Variants in TCF12 observed in about 807,000 individuals in gnomAD.
TCF12 encodes the protein DNA-binding protein HTF4.
In TCF12, 45 loss-of-function variants were observed where a neutral mutation model predicts 86.0. The observed-to-expected ratio is 0.52, with a 90% CI of 0.41 to 0.67. The LOEUF (loss-of-function observed/expected upper bound fraction) is 0.67. TCF12 is among the 30% of genes least tolerant of loss of function. The pLI is 0.00. For missense variants in TCF12, 881 were observed against 859.9 expected (o/e 1.02, Z -0.31); for synonymous variants, 330 against 299.6 (o/e 1.10, Z -1.05).
intron 8 of TCF12, among the ~76,000 whole-genome samples, chr15:57,221,574 C>T (rs1301578706): frequency 1.3e-5 from 2 of 151,814 alleles, no homozygotes; most frequent in Non-Finnish European, 2.9e-5. Flanking sequence ...GTGGTATTTC[C>T]AGGCTTATGG....
rs36171297 is a variant in TCF12, at chr15:57,148,206, AAAAGAAAG to A, written c.326-18183_326-18176del. Among the ~76,000 whole-genome samples, 373 of 150,910 alleles carry A rather than the reference AAAAGAAAG, an allele frequency of 2.5e-3. 1 individual carries two copies. The highest frequency in any genetic ancestry group is 4.5e-3 in the Non-Finnish European group (306 of 67,848). The stretch of plus-strand genomic sequence containing the variant: ...GTCGATTTTTGTTAACAGTATAATA[AAAAGAAAG>A]AAAGAAAGAAAGGCTAGAGTGGGGT... On this transcript the variant is annotated intron_variant, in intron 5 of 20. Transcript: ENST00000333725.
chr15:56,973,175 C>T (rs184088573), intron 3 of TCF12, among the ~76,000 whole-genome samples: 2 of 152,222 alleles, frequency 1.3e-5, no homozygotes, highest in East Asian at 1.9e-4. Flanking sequence ...TCCCGCCTCC[C>T]TCCCTCCCAT....
intron 8 of TCF12, among the ~76,000 whole-genome samples, chr15:57,215,551 G>A (rs2615219): frequency 0.012 from 1,891 of 152,182 alleles, 42 homozygotes; most frequent in African/African-American, 0.043. Context: ...GAAACTTTTC[G>A]TGAGGAATAT....
At chr15:56,946,370 C>G (rs1460651698) in intron 3 of TCF12, among the ~76,000 whole-genome samples, 1 of 152,188 alleles carries the variant, frequency 6.6e-6, no homozygotes, top group Non-Finnish European at 1.5e-5. Context: ...AGTGTCTAAC[C>G]TGTTTATTCC....
intron 5 of TCF12, among the ~76,000 whole-genome samples, chr15:57,116,554 C>A (rs1028649312): frequency 1.9e-4 from 29 of 151,748 alleles, no homozygotes; most frequent in African/African-American, 7.0e-4. Context: ...GCAGTGTTGC[C>A]CAGGCTGGTC....
chr15:57,200,757 A>G (rs1313360795), intron 8 of TCF12, among the ~76,000 whole-genome samples: 1 of 152,220 alleles, frequency 6.6e-6, no homozygotes, highest in Non-Finnish European at 1.5e-5. Flanking sequence ...TTTAGGTATC[A>G]TAAGTGCATA....
chr15:57,210,826 A>G (rs996646384), intron 8 of TCF12, among the ~76,000 whole-genome samples: 2 of 152,146 alleles, frequency 1.3e-5, no homozygotes, highest in African/African-American at 4.8e-5. Flanking sequence ...TTTCCAACCT[A>G]CATACTCACT....
intron 5 of TCF12, among the ~76,000 whole-genome samples, chr15:57,120,087 G>T (rs1331994344): frequency 6.6e-6 from 1 of 151,712 alleles, no homozygotes; most frequent in African/African-American, 2.4e-5. Flanking sequence ...ACATTTTTTT[G>T]CCTAATTAAA....
intron 3 of TCF12, among the ~76,000 whole-genome samples, chr15:56,987,152 C>T (rs962078711): frequency 6.6e-6 from 1 of 151,908 alleles, no homozygotes; most frequent in Non-Finnish European, 1.5e-5. Flanking sequence ...CTCTTGTTGC[C>T]CAGGCCTGGA....
chr15:57,223,643 G>GTTTTTTGTTTTT (rs1456806093), intron 8 of TCF12, among the ~76,000 whole-genome samples: 19 of 69,666 alleles, frequency 2.7e-4, no homozygotes, highest in Non-Finnish European at 4.2e-4. Context: ...TACCAATGAG[G>GTTTTTTGTTTTT]TTTTTTTTTT....
chr15:57,233,042 A>G (rs1299483016), intron 11 of TCF12, among the ~76,000 whole-genome samples, 186 bp downstream of exon 11: 1 of 145,220 alleles, frequency 6.9e-6, no homozygotes, highest in Non-Finnish European at 1.5e-5. Flanking sequence ...TATATATGTT[A>G]TATATGTATA....
At chr15:57,048,957 C>T (rs2067424516) in intron 3 of TCF12, among the ~76,000 whole-genome samples, 1 of 152,164 alleles carries the variant, frequency 6.6e-6, no homozygotes, top group African/African-American at 2.4e-5. Context: ...TGAACACTTA[C>T]TTCTCCAGCT....
At position 57,123,968 on chromosome 15, in the gene TCF12, C is replaced by CAAA. The variant is rs71113066; in HGVS notation, c.325+32089_325+32091dup. ...TGGGCGACAGAGTGAGACTCCGTCTCAAAAAAAAAAAAAATTTTTTTTTTT... is the reference window on the plus strand; with the variant it reads ...TGGGCGACAGAGTGAGACTCCGTCTCAAAAAAAAAAAAAAAAATTTTTTTTTTT... On this transcript the variant is annotated intron_variant, in intron 5 of 20. Transcript: ENST00000333725. 1.5e-3 allele frequency among the ~76,000 whole-genome samples: 124 copies of CAAA among 81,094 alleles called. 5 individuals carry two copies. Among genetic ancestry groups the CAAA allele is most frequent in the Non-Finnish European group, 2.6e-3 (102 of 39,344 alleles). The allele number at this position is 81,094 out of a possible 152,430, so 53.2% of individuals were successfully genotyped here.
chr15:57,199,628 A>G (rs1164112021), intron 8 of TCF12, among the ~76,000 whole-genome samples: 3 of 152,292 alleles, frequency 2.0e-5, no homozygotes, highest in Non-Finnish European at 4.4e-5. Flanking sequence ...TCGTAATAAC[A>G]TTCATTACTT....
chr15:56,929,894 T>G (rs1386596917), intron 3 of TCF12, among the ~76,000 whole-genome samples: 1 of 152,166 alleles, frequency 6.6e-6, no homozygotes, highest in Non-Finnish European at 1.5e-5. Flanking sequence ...TCTCTAAATT[T>G]GTGGTAATCT....
At chr15:56,959,766 ATTTG>A (rs1567166947) in intron 3 of TCF12, among the ~76,000 whole-genome samples, 2 of 152,186 alleles carry the variant, frequency 1.3e-5, no homozygotes, top group Non-Finnish European at 2.9e-5. Flanking sequence ...AAATGGTTCT[ATTTG>A]TTATTTACAA....
rs2061263936 is a variant in TCF12, at chr15:56,951,303, T to A, written c.148+30205T>A. Among the ~76,000 whole-genome samples, 3 of 152,224 alleles carry A rather than the reference T, an allele frequency of 2.0e-5. No individual in the cohort carries two copies. The South Asian group carries it at 6.2e-4, about 32-fold the overall frequency. ...TTTGTGTTTTTCTAATTACTAATGATGTTGAGTATCTTTTCATATACTTAC... is the reference window on the plus strand; with the variant it reads ...TTTGTGTTTTTCTAATTACTAATGAAGTTGAGTATCTTTTCATATACTTAC... On this transcript the variant is annotated intron_variant, in intron 3 of 20. Transcript: ENST00000333725.
intron 3 of TCF12, among the ~76,000 whole-genome samples, chr15:56,972,415 A>G (rs954811823): frequency 3.9e-5 from 6 of 152,228 alleles, no homozygotes; most frequent in Admixed American, 1.3e-4. Flanking sequence ...TATATAAACT[A>G]TGGTATAGCC....
At chr15:56,959,670 T>C (rs1416881418) in intron 3 of TCF12, among the ~76,000 whole-genome samples, 1 of 152,244 alleles carries the variant, frequency 6.6e-6, no homozygotes, top group African/African-American at 2.4e-5. Flanking sequence ...TTAATCAATA[T>C]TGAAGTTTCT....
Sources: gnomAD v4.1 joint callset for allele counts (sites outside exome capture counted in the v4.1 genomes callset) on GRCh38, gnomAD v4.1.1 for gene constraint, MANE v1.5 for transcripts, NCBI Gene and HGNC (gene_info 2026-07-23, HGNC 2026-07-21) for gene names.